The following CNTN1 variants were observed in gnomAD, a reference collection of about 807,000 sequenced individuals.
The protein encoded by CNTN1 is contactin 1, also known as contactin-1.
Under a neutral mutation model 126.4 loss-of-function variants are expected in CNTN1, and 38 were observed. The observed-to-expected ratio is 0.30, with a 90% CI of 0.23 to 0.39. The LOEUF (loss-of-function observed/expected upper bound fraction) is 0.39, where lower values mean the gene tolerates loss of function less well. Ranked by LOEUF, CNTN1 falls within the 10% of genes least tolerant of loss-of-function variation. The probability of loss-of-function intolerance (pLI) is 1.00; values close to 1 mark genes in which losing one functional copy is unlikely to be tolerated. For synonymous variants in CNTN1, 413 were observed against 422.6 expected (o/e 0.98, Z 0.28); for missense variants, 1,009 against 1,248.4 (o/e 0.81, Z 2.89).
intron 1 of CNTN1, among the ~76,000 whole-genome samples, chr12:40,755,190 C>CAAAAAAAAAAAAAAAAAAAAAAAAAAAA (rs557970110): frequency 1.3e-5 from 1 of 78,200 alleles, no homozygotes; most frequent in Non-Finnish European, 2.3e-5. Context: ...GACCCCACCT[C>CAAAAAAAAAAAAAAAAAAAAAAAAAAAA]AAAAAAAAAA....
At chr12:40,949,201 T>TGG (rs1300235945) in intron 14 of CNTN1, among the ~76,000 whole-genome samples, 1 of 86,280 alleles carries the variant, frequency 1.2e-5, no homozygotes, top group South Asian at 3.1e-4. Flanking sequence ...TCAATTTGTT[T>TGG]TTTTTTTTGT....
chr12:40,872,548 C>G (rs1028905356), intron 1 of CNTN1, among the ~76,000 whole-genome samples: 5 of 148,514 alleles, frequency 3.4e-5, no homozygotes, highest in African/African-American at 1.2e-4. Context: ...GTTTGTATTG[C>G]ATGTACTAAG....
At chr12:40,830,995 ATATAC>A (rs1338389242) in intron 1 of CNTN1, among the ~76,000 whole-genome samples, 3 of 143,138 alleles carry the variant, frequency 2.1e-5, no homozygotes, top group Non-Finnish European at 4.6e-5. Flanking sequence ...TATGAAACAT[ATATAC>A]TATAAGTTAA....
rs554800278 is a variant in CNTN1, at chr12:40,860,441, T to C, written c.-76-47916T>C. On this transcript the variant is annotated intron_variant, in intron 1 of 23. Transcript: ENST00000551295. The stretch of plus-strand genomic sequence containing the variant: ...AGTTAGTGCAGACCCCACAGGTTAA[T>C]GGCTCAGTCTTACAAGATTGCCCCC... Among the ~76,000 whole-genome samples, 12 of 152,228 alleles carry C rather than the reference T, an allele frequency of 7.9e-5. No homozygotes were observed. The South Asian group carries it at 2.1e-3, about 26-fold the overall frequency.
chr12:40,823,644 C>T (rs1325528027), intron 1 of CNTN1, among the ~76,000 whole-genome samples: 1 of 152,072 alleles, frequency 6.6e-6, no homozygotes, highest in Admixed American at 6.6e-5. Context: ...TATATGTTTA[C>T]TTATCCACAT....
chr12:41,061,016 CAG>C (rs1178552579), intron 23 of CNTN1, among the ~76,000 whole-genome samples: 18 of 152,108 alleles, frequency 1.2e-4, no homozygotes, highest in Non-Finnish European at 2.2e-4. Context: ...AAATGGAGCA[CAG>C]AGAGATTTAG....
chr12:41,037,042 CTA>C (rs1258206518), intron 23 of CNTN1, among the ~76,000 whole-genome samples: 1 of 151,944 alleles, frequency 6.6e-6, no homozygotes, highest in Non-Finnish European at 1.5e-5. Context: ...CATGCCCTTT[CTA>C]TGTTTCATGT....
At chr12:40,774,492 A>G (rs148034270) in intron 1 of CNTN1, among the ~76,000 whole-genome samples, 2 of 151,852 alleles carry the variant, frequency 1.3e-5, no homozygotes, top group African/African-American at 4.8e-5. Context: ...AAGAATGATT[A>G]TAGAAAATAT....
At position 41,060,744 on chromosome 12, in the gene CNTN1, G is replaced by A. The variant is rs117670543; in HGVS notation, c.2981-9215G>A. Among the ~76,000 whole-genome samples the A allele has an allele frequency of 6.6e-3, 1,009 of 152,010 alleles. 10 individuals are homozygous for A. Among genetic ancestry groups the A allele is most frequent in the Non-Finnish European group, 0.011 (715 of 67,982 alleles). On this transcript the variant is annotated intron_variant, in intron 23 of 23. Coordinates refer to ENST00000551295, the MANE Select transcript of CNTN1 (RefSeq NM_001843.4). ...GTTATTTATAAAATATTTTGTATAC[G>A]TTGGGAATAAAACAAACCCATGAAA...
chr12:41,029,658 A>G (rs1209640544), intron 23 of CNTN1, among the ~76,000 whole-genome samples: 4 of 152,164 alleles, frequency 2.6e-5, no homozygotes, highest in African/African-American at 9.6e-5. Flanking sequence ...TGAATACTAT[A>G]TAATACTAGG....
intron 4 of CNTN1, 33 bp downstream of exon 4, chr12:40,918,804 G>A (rs770214853): frequency 1.2e-6 from 2 of 1,611,834 alleles, no homozygotes; most frequent in Non-Finnish European, 1.7e-6. Flanking sequence ...TCAGAGTGGA[G>A]TGTCAGAGTA....
intron 1 of CNTN1, among the ~76,000 whole-genome samples, chr12:40,779,715 A>G (rs1028715659): frequency 1.3e-5 from 2 of 151,932 alleles, no homozygotes; most frequent in African/African-American, 2.4e-5. Flanking sequence ...AAGTTCCTCA[A>G]AGTTAAATGA....
At chr12:40,784,313 A>G (rs563658789) in intron 1 of CNTN1, among the ~76,000 whole-genome samples, 18 of 152,272 alleles carry the variant, frequency 1.2e-4, no homozygotes, top group African/African-American at 2.6e-4. Flanking sequence ...AGTTCCCCCA[A>G]TAGTAGTACT....
chr12:40,804,799 AT>A (rs1192931396), intron 1 of CNTN1, among the ~76,000 whole-genome samples: 1 of 152,028 alleles, frequency 6.6e-6, no homozygotes, highest in Non-Finnish European at 1.5e-5. Context: ...TAAAGAAATA[AT>A]TTTAATATTA....
In CNTN1 at chr12:41,069,943, T is replaced by C. The variant is rs369318718; in HGVS notation, c.2981-16T>C. On this transcript the variant is annotated splice_polypyrimidine_tract_variant and intron_variant, in intron 23 of 23. Coordinates refer to ENST00000551295, the MANE Select transcript of CNTN1 (RefSeq NM_001843.4). ...TATCAATGAAATAATATGCACACTT[T>C]TGGTTTACCTTGCAGGTGCACCCAC... 2 of 1,607,832 alleles carry C rather than the reference T, an allele frequency of 1.2e-6. No homozygotes were observed. Among genetic ancestry groups the C allele is most frequent in the African/African-American group, 2.7e-5 (2 of 74,786 alleles).
At chr12:41,010,173 C>T (rs1410941742) in intron 17 of CNTN1, among the ~76,000 whole-genome samples, 1 of 152,156 alleles carries the variant, frequency 6.6e-6, no homozygotes, top group African/African-American at 2.4e-5. Context: ...TTTCCAGAAT[C>T]ACCCAGGGCT....
At chr12:40,785,731 G>A (rs1939992554) in intron 1 of CNTN1, among the ~76,000 whole-genome samples, 1 of 152,132 alleles carries the variant, frequency 6.6e-6, no homozygotes, top group African/African-American at 2.4e-5. Context: ...ATCAGTTAAG[G>A]CTATTTTCAC....
chr12:40,933,644 G>A (rs1439157386), intron 8 of CNTN1, 53 bp from the exon 9 acceptor site: 2 of 1,560,424 alleles, frequency 1.3e-6, no homozygotes, highest in African/African-American at 2.7e-5. Context: ...TAAACATAAA[G>A]TAATTGTCTT....
intron 9 of CNTN1, among the ~76,000 whole-genome samples, chr12:40,934,371 A>G (rs71449789): frequency 0.033 from 5,035 of 152,010 alleles, 108 homozygotes; most frequent in Middle Eastern, 0.11. Context: ...AAATTCCCAA[A>G]GGATGCTGAT....
Sources: gnomAD v4.1 joint callset for allele counts (sites outside exome capture counted in the v4.1 genomes callset) on GRCh38, gnomAD v4.1.1 for gene constraint, MANE v1.5 for transcripts, NCBI Gene and HGNC (gene_info 2026-07-23, HGNC 2026-07-21) for gene names.